Variants in STXBP5L observed in about 807,000 individuals in gnomAD.
STXBP5L encodes the protein syntaxin binding protein 5L.
In STXBP5L, 65 loss-of-function variants were observed where a neutral mutation model predicts 144.5. That is an observed-to-expected ratio of 0.45 (90% CI 0.37 to 0.55). STXBP5L has a LOEUF of 0.55. STXBP5L is among the 20% of genes least tolerant of loss of function. The pLI, the probability that STXBP5L is intolerant of heterozygous loss-of-function variation, is 0.00. For missense variants in STXBP5L, 1,298 were observed against 1,405.5 expected (o/e 0.92, Z 1.22); for synonymous variants, 505 against 469.6 (o/e 1.08, Z -0.97).
At chr3:121,103,701 GAC>G (rs1266012177) in intron 5 of STXBP5L, among the ~76,000 whole-genome samples, 2 of 151,970 alleles carry the variant, frequency 1.3e-5, no homozygotes, top group Non-Finnish European at 2.9e-5. Flanking sequence ...AAAAAGATAA[GAC>G]AGTATAGAGA....
chr3:121,203,913 T>G (rs2048234432), intron 9 of STXBP5L, among the ~76,000 whole-genome samples: 1 of 152,184 alleles, frequency 6.6e-6, no homozygotes, highest in Non-Finnish European at 1.5e-5. Context: ...CCAAAGCCAG[T>G]AATCTCCAAC....
At chr3:121,016,611 G>C (rs983575206) in intron 3 of STXBP5L, among the ~76,000 whole-genome samples, 1 of 152,142 alleles carries the variant, frequency 6.6e-6, no homozygotes, top group African/African-American at 2.4e-5. Flanking sequence ...TCCAATAACT[G>C]TGTGACAGTT....
Position 121,115,090 on chromosome 3 carries a change from G to T in STXBP5L, c.605+31G>T, listed in dbSNP as rs781641518. 8 of 1,587,366 alleles carry T rather than the reference G, an allele frequency of 5.0e-6. No individual in the cohort carries two copies. The Admixed American group carries it at 5.4e-5, about 11-fold the overall frequency. On this transcript the variant is annotated intron_variant, in intron 6 of 26. Transcript: ENST00000471454. Reference sequence around the variant, plus strand: ...TTTGAACTTGGATATCACTTTATTGGCTTAAATACTTCATACAGTTATGTA... The same window carrying T: ...TTTGAACTTGGATATCACTTTATTGTCTTAAATACTTCATACAGTTATGTA...
At chr3:121,326,859 G>T (rs945298480) in intron 20 of STXBP5L, among the ~76,000 whole-genome samples, 1 of 152,078 alleles carries the variant, frequency 6.6e-6, no homozygotes, top group African/African-American at 2.4e-5. Flanking sequence ...AATATTCGTT[G>T]TAGCTTAGCC....
chr3:121,281,852 CTTTT>C (rs2051071184), intron 19 of STXBP5L, among the ~76,000 whole-genome samples: 1 of 151,598 alleles, frequency 6.6e-6, no homozygotes, highest in Admixed American at 6.6e-5. Flanking sequence ...CTTTAGCTTT[CTTTT>C]TAATTGCTGA....
At chr3:121,105,143 A>G (rs114611789) in intron 5 of STXBP5L, among the ~76,000 whole-genome samples, 2,939 of 152,290 alleles carry the variant, frequency 0.019, 90 homozygotes, top group African/African-American at 0.066. Flanking sequence ...CATGCCTATA[A>G]TCACAGCACT....
At chr3:121,229,279 A>G (rs1009272398) in intron 11 of STXBP5L, among the ~76,000 whole-genome samples, 3 of 152,114 alleles carry the variant, frequency 2.0e-5, no homozygotes, top group African/African-American at 4.8e-5. Flanking sequence ...GTTCCTTTCT[A>G]TCTTGTTTCT....
chr3:121,051,901 G>A lies in STXBP5L; in HGVS notation c.470+6366G>A, dbSNP rs140489700. 2.5e-3 allele frequency among the ~76,000 whole-genome samples: 380 copies of A among 151,994 alleles called. 2 individuals carry two copies. Among genetic ancestry groups the A allele is most frequent in the African/African-American group, 8.6e-3 (357 of 41,444 alleles). Reference sequence around the variant, plus strand: ...ATAGATGCAATAAAAAATGATAAAGGGGATATCACCACCGATCCCACAGAA... The same window carrying A: ...ATAGATGCAATAAAAAATGATAAAGAGGATATCACCACCGATCCCACAGAA... On this transcript the variant is annotated intron_variant, in intron 5 of 26. Transcript: ENST00000471454.
chr3:121,125,295 C>A (rs2044655307), intron 7 of STXBP5L, among the ~76,000 whole-genome samples: 1 of 151,896 alleles, frequency 6.6e-6, no homozygotes, highest in Non-Finnish European at 1.5e-5. Context: ...ATGGTGGAAC[C>A]CTGTCTCTAC....
chr3:121,032,512 C>T (rs1018896192), intron 3 of STXBP5L, among the ~76,000 whole-genome samples: 1 of 151,380 alleles, frequency 6.6e-6, no homozygotes, highest in Non-Finnish European at 1.5e-5. Flanking sequence ...TAGGCACGGG[C>T]AAGGACTTCA....
rs907272657 is a variant in STXBP5L at position 121,205,363 on chromosome 3, C to A, written c.878-560C>A. Among the ~76,000 whole-genome samples, 5 of 152,272 alleles carry A rather than the reference C, an allele frequency of 3.3e-5. No individual in the cohort carries two copies. The East Asian group carries it at 9.7e-4, about 29-fold the overall frequency. ...AGAGAGGGAAGGGGGCTGATCTAATCCTTTCATCAGAAACCCACTCCCATG... is the reference window on the plus strand; with the variant it reads ...AGAGAGGGAAGGGGGCTGATCTAATACTTTCATCAGAAACCCACTCCCATG... On this transcript the variant is annotated intron_variant, in intron 9 of 26. Transcript: ENST00000471454.
chr3:121,016,162 TAATC>T (rs1301877247), intron 3 of STXBP5L, among the ~76,000 whole-genome samples: 1 of 152,176 alleles, frequency 6.6e-6, no homozygotes, highest in Non-Finnish European at 1.5e-5. Flanking sequence ...CAGTTCCTAT[TAATC>T]AATACAAACG....
chr3:121,392,842 C>T (rs1428745423), intron 22 of STXBP5L, among the ~76,000 whole-genome samples: 3 of 145,032 alleles, frequency 2.1e-5, no homozygotes, highest in South Asian at 2.2e-4. Context: ...TTGATAGACA[C>T]TTAGGTTTAT....
intron 5 of STXBP5L, among the ~76,000 whole-genome samples, chr3:121,083,665 G>GAA (rs149565469): frequency 1.0e-4 from 15 of 146,438 alleles, no homozygotes; most frequent in South Asian, 6.5e-4. Flanking sequence ...TCTGTCTCAA[G>GAA]AAAAAAAAAA....
In STXBP5L at chr3:121,117,609, T is replaced by C. The variant is rs180838352; in HGVS notation, c.605+2550T>C. ...ACTCATTTAATAAATATAATTTTAG[T>C]CCATGAATTTTAATAATATATTTTC... On this transcript the variant is annotated intron_variant, in intron 6 of 26. Coordinates refer to ENST00000471454, the MANE Select transcript of STXBP5L (RefSeq NM_001308330.2). Among the ~76,000 whole-genome samples the C allele has an allele frequency of 3.3e-5, 5 of 151,924 alleles. No homozygotes were observed. In the East Asian group the frequency reaches 7.7e-4, roughly 23 times the overall value.
At chr3:121,360,771 A>G (rs1341439748) in intron 20 of STXBP5L, among the ~76,000 whole-genome samples, 1 of 152,010 alleles carries the variant, frequency 6.6e-6, no homozygotes, top group Non-Finnish European at 1.5e-5. Context: ...TGTAGTTATT[A>G]TTTTTTATTG....
At chr3:120,990,057 C>A (rs752804296) in intron 3 of STXBP5L, among the ~76,000 whole-genome samples, 1 of 152,090 alleles carries the variant, frequency 6.6e-6, no homozygotes, top group Non-Finnish European at 1.5e-5. Flanking sequence ...ATCCAGAAAA[C>A]CCCATTGTCT....
chr3:120,983,338 G>A (rs1240508815), intron 3 of STXBP5L, among the ~76,000 whole-genome samples: 6 of 152,162 alleles, frequency 3.9e-5, no homozygotes, highest in African/African-American at 1.4e-4. Flanking sequence ...GATCAGCAAA[G>A]TCAAGCAGTT....
chr3:121,233,629 C>G lies in STXBP5L; in HGVS notation c.1125C>G (p.Pro375=), dbSNP rs763913790. The part of the protein sequence containing the change: ...ETPYPNEFQE[P]YAVVVLLEKD... ...TTTTACTTGTAGAATTTCAAGAACC[C>G]TATGCTGTCGTGGTACTTCTGGAGA... The change falls in exon 12 of 27, where the codon CCC becomes CCG. Residue 375 remains proline, a synonymous_variant. Coordinates refer to ENST00000471454, the MANE Select transcript of STXBP5L (RefSeq NM_001308330.2). The G allele has an allele frequency of 1.2e-6, 2 of 1,611,414 alleles. No individual in the cohort carries two copies. Among genetic ancestry groups the G allele is most frequent in the Non-Finnish European group, 8.5e-7 (1 of 1,178,818 alleles).
Sources: gnomAD v4.1 joint callset for allele counts (sites outside exome capture counted in the v4.1 genomes callset) on GRCh38, gnomAD v4.1.1 for gene constraint, MANE v1.5 for transcripts, NCBI Gene and HGNC (gene_info 2026-07-23, HGNC 2026-07-21) for gene names.